EXOSC7: variants seen among roughly 807,000 people sequenced by gnomAD.
The protein encoded by EXOSC7 is exosome complex component RRP42.
Under a neutral mutation model 34.3 loss-of-function variants are expected in EXOSC7, and 25 were observed. The observed-to-expected ratio is 0.73, with a 90% CI of 0.53 to 1.02. The LOEUF (loss-of-function observed/expected upper bound fraction) is 1.02, where lower values mean the gene tolerates loss of function less well. Among genes scored for constraint, EXOSC7 ranks in the 50% least tolerant of loss-of-function variants. The probability of loss-of-function intolerance (pLI) is 0.00; values close to 1 mark genes in which losing one functional copy is unlikely to be tolerated. For synonymous variants in EXOSC7, 130 were observed against 143.0 expected (o/e 0.91, Z 0.65); for missense variants, 370 against 368.5 (o/e 1.00, Z -0.03).
chr3:44,994,283 A>G lies in EXOSC7; in HGVS notation c.255-2804A>G, dbSNP rs1247474347. On this transcript the variant is annotated intron_variant, in intron 3 of 7. Transcript: ENST00000265564. ...AAAAAGATAAGGTCTCCCTTCTTGT[A>G]AAATGAGAGAGTTAGACCATCTGGG... 2.0e-5 allele frequency among the ~76,000 whole-genome samples: 3 copies of G among 151,360 alleles called. No individual in the cohort carries two copies. In the East Asian group the frequency reaches 5.8e-4, roughly 29 times the overall value.
At chr3:44,988,766 G>A (rs1706489103) in intron 1 of EXOSC7, among the ~76,000 whole-genome samples, 1 of 152,120 alleles carries the variant, frequency 6.6e-6, no homozygotes, top group Non-Finnish European at 1.5e-5. Flanking sequence ...ATACTTCTTG[G>A]TGCAATTTAA....
At chr3:44,982,963 G>A (rs1024295353) in intron 1 of EXOSC7, among the ~76,000 whole-genome samples, 2 of 152,196 alleles carry the variant, frequency 1.3e-5, no homozygotes, top group African/African-American at 4.8e-5. Flanking sequence ...AGGGCGGGGG[G>A]CAGTCACCTT....
At chr3:44,987,570 A>G (rs887037566) in intron 1 of EXOSC7, among the ~76,000 whole-genome samples, 2 of 152,234 alleles carry the variant, frequency 1.3e-5, no homozygotes, top group African/African-American at 4.8e-5. Flanking sequence ...TCTAAAAAAA[A>G]AGTTACAAGT....
intron 3 of EXOSC7, among the ~76,000 whole-genome samples, chr3:44,992,647 G>C (rs1234324718): frequency 1.3e-5 from 2 of 152,186 alleles, no homozygotes; most frequent in South Asian, 2.1e-4. Flanking sequence ...TGGTTTGCTG[G>C]TTGTAGCTGA....
At chr3:45,008,324 A>G (rs958010267) in intron 7 of EXOSC7, among the ~76,000 whole-genome samples, 5 of 152,248 alleles carry the variant, frequency 3.3e-5, no homozygotes, top group Non-Finnish European at 7.3e-5. Context: ...TGCAACCTCT[A>G]TATCACCACA....
At chr3:44,988,366 T>G (rs967571907) in intron 1 of EXOSC7, among the ~76,000 whole-genome samples, 1 of 152,062 alleles carries the variant, frequency 6.6e-6, no homozygotes, top group Admixed American at 6.5e-5. Context: ...CTGATACAAG[T>G]AATTGAAGGA....
chr3:45,005,174 A>T, intron 5 of EXOSC7, 117 bp from the exon 6 acceptor site: 1 of 1,153,320 alleles, frequency 8.7e-7, no homozygotes, highest in Non-Finnish European at 1.3e-6. Context: ...GATAAAGAAT[A>T]GGCATAGCGT....
chr3:44,994,151 A>G (rs1369663346), intron 3 of EXOSC7, among the ~76,000 whole-genome samples: 1 of 152,044 alleles, frequency 6.6e-6, no homozygotes, highest in African/African-American at 2.4e-5. Context: ...TCTTGTTTCT[A>G]GAATGGAATC....
intron 6 of EXOSC7, 44 bp from the exon 7 acceptor site, chr3:45,007,376 G>A: frequency 6.2e-7 from 1 of 1,608,666 alleles, no homozygotes; most frequent in Non-Finnish European, 8.5e-7. Context: ...TGGGACTCTG[G>A]GGCCTGCGTG....
intron 1 of EXOSC7, among the ~76,000 whole-genome samples, chr3:44,986,714 T>TC (rs1706428416): frequency 6.6e-6 from 1 of 152,210 alleles, no homozygotes. Context: ...CACAGGACCT[T>TC]CCACCTGATT....
chr3:44,985,320 A>AT (rs1706376596), intron 1 of EXOSC7, among the ~76,000 whole-genome samples: 1 of 152,180 alleles, frequency 6.6e-6, no homozygotes, highest in South Asian at 2.1e-4. Flanking sequence ...AGATAGGGAT[A>AT]TTGTGTCTGG....
At chr3:44,987,295 G>T (rs1706448481) in intron 1 of EXOSC7, among the ~76,000 whole-genome samples, 1 of 152,214 alleles carries the variant, frequency 6.6e-6, no homozygotes, top group Non-Finnish European at 1.5e-5. Flanking sequence ...ACATTTCTCT[G>T]AGCATACTTT....
intron 5 of EXOSC7, chr3:45,004,698 G>A (rs1706985147): frequency 6.6e-6 from 1 of 151,350 alleles, no homozygotes; most frequent in Admixed American, 6.6e-5. Flanking sequence ...CCTCTTTTAT[G>A]AAGACATCCA....
intron 3 of EXOSC7, among the ~76,000 whole-genome samples, chr3:44,995,140 G>A (rs1450202348): frequency 2.0e-5 from 3 of 152,028 alleles, no homozygotes; most frequent in African/African-American, 4.8e-5. Flanking sequence ...GTGCCACCAC[G>A]CCCAGATAAT....
chr3:45,004,977 CTTTTAT>C (rs1428730367), intron 5 of EXOSC7: 1 of 234,964 alleles, frequency 4.3e-6, no homozygotes, highest in Non-Finnish European at 8.4e-6. Context: ...ATTGTCTTGT[CTTTTAT>C]TTTTTATATC....
At chr3:45,011,053 T>G (rs993945741) in intron 7 of EXOSC7, among the ~76,000 whole-genome samples, 182 bp from the exon 8 acceptor site, 1 of 152,200 alleles carries the variant, frequency 6.6e-6, no homozygotes, top group Non-Finnish European at 1.5e-5. Flanking sequence ...TTTACAAAAT[T>G]TATTATGTTG....
chr3:44,988,971 A>G (rs6785788), intron 1 of EXOSC7, among the ~76,000 whole-genome samples, 169 bp from the exon 2 acceptor site: 5,375 of 152,276 alleles, frequency 0.035, 297 homozygotes, highest in African/African-American at 0.12. Context: ...ATTTCCTCAT[A>G]TGTAAAATAG....
At chr3:44,984,652 T>A (rs1254542699) in intron 1 of EXOSC7, among the ~76,000 whole-genome samples, 8 of 152,242 alleles carry the variant, frequency 5.3e-5, no homozygotes, top group Admixed American at 5.2e-4. Context: ...ACTTACTGGC[T>A]GTCTGAACTT....
At chr3:45,000,378 T>TA (rs1451506046) in intron 4 of EXOSC7, among the ~76,000 whole-genome samples, 1 of 152,238 alleles carries the variant, frequency 6.6e-6, no homozygotes, top group Non-Finnish European at 1.5e-5. Context: ...GCAGAGGAGA[T>TA]AGACTCTAAA....
Sources: allele counts gnomAD v4.1 joint callset (sites outside exome capture counted in the v4.1 genomes callset), GRCh38; gene constraint gnomAD v4.1.1; transcripts MANE v1.5; gene names NCBI Gene and HGNC (gene_info 2026-07-23, HGNC 2026-07-21).